The following ADAM18 variants were observed in gnomAD, a reference collection of about 807,000 sequenced individuals.
ADAM18 encodes ADAM metallopeptidase domain 18.
In ADAM18, 117 loss-of-function variants were observed where a neutral mutation model predicts 94.4. The ratio of observed to expected loss-of-function variants is 1.24; its 90% CI spans 1.07 to 1.45. The LOEUF (loss-of-function observed/expected upper bound fraction) is 1.45, where lower values mean the gene tolerates loss of function less well. Ranked by LOEUF, ADAM18 falls within the 40% of genes most tolerant of loss-of-function variation. The pLI is 0.00. For missense variants in ADAM18, 936 were observed against 880.0 expected, an observed-to-expected ratio of 1.06 and a Z score of -0.81; for synonymous variants, 327 against 291.6, an observed-to-expected ratio of 1.12 and a Z score of -1.24.
At chr8:39,634,025 G>A (rs940296748) in intron 7 of ADAM18, among the ~76,000 whole-genome samples, 4 of 152,146 alleles carry the variant, frequency 2.6e-5, no homozygotes, top group Non-Finnish European at 5.9e-5. Context: ...CAAGCCCAGA[G>A]TGCTGGGGAT....
At position 39,726,642 on chromosome 8, in the gene ADAM18, G is replaced by A. The variant is rs374836687; in HGVS notation, c.2177+2735G>A. Among the ~76,000 whole-genome samples, 162 of 152,198 alleles carry A rather than the reference G, an allele frequency of 1.1e-3. 3 individuals carry two copies. Among genetic ancestry groups the A allele is most frequent in the African/African-American group, 3.8e-3 (157 of 41,542 alleles). ...TCATTGCCCAGACCAATGGCAAGGAGCTTTCTCTCTATTTTCTGCTAGAAG... is the reference window on the plus strand; with the variant it reads ...TCATTGCCCAGACCAATGGCAAGGAACTTTCTCTCTATTTTCTGCTAGAAG... On this transcript the variant is annotated intron_variant, in intron 19 of 19. Coordinates refer to ENST00000265707, the MANE Select transcript of ADAM18 (RefSeq NM_014237.3).
At chr8:39,702,649 T>C (rs1394941814) in intron 17 of ADAM18, among the ~76,000 whole-genome samples, 1 of 152,200 alleles carries the variant, frequency 6.6e-6, no homozygotes, top group Non-Finnish European at 1.5e-5. Context: ...CCATCTTAAG[T>C]TGATTTTTGT....
chr8:39,600,882 T>C (rs1473874592), intron 2 of ADAM18, among the ~76,000 whole-genome samples: 1 of 152,228 alleles, frequency 6.6e-6, no homozygotes, highest in African/African-American at 2.4e-5. Flanking sequence ...TCTCAATTCC[T>C]ATTTGTATTA....
chr8:39,695,138 C>A (rs1821887628), intron 17 of ADAM18, among the ~76,000 whole-genome samples: 1 of 151,362 alleles, frequency 6.6e-6, no homozygotes, highest in Non-Finnish European at 1.5e-5. Flanking sequence ...TATTAAAGGA[C>A]AATGTGGGTT....
intron 12 of ADAM18, among the ~76,000 whole-genome samples, chr8:39,651,793 C>A (rs1820546669): frequency 6.6e-6 from 1 of 152,086 alleles, no homozygotes; most frequent in South Asian, 2.1e-4. Flanking sequence ...CCTTAAAACC[C>A]AAGCAATTCT....
intron 14 of ADAM18, among the ~76,000 whole-genome samples, chr8:39,672,695 A>G (rs1000515478): frequency 3.9e-5 from 6 of 152,168 alleles, no homozygotes; most frequent in African/African-American, 1.4e-4. Context: ...AAATCCCCAT[A>G]ACACCTTGTT....
chr8:39,706,827 G>C lies in ADAM18; in HGVS notation c.1940G>C (p.Gly647Ala). 6.2e-7 allele frequency: 1 copy of C among 1,610,102 alleles called. No homozygotes were observed. Among genetic ancestry groups the C allele is most frequent in the African/African-American group, 1.3e-5 (1 of 74,888 alleles). The change falls in exon 18 of 20, where the codon GGA becomes GCA. Residue 647 changes from glycine to alanine, a missense_variant. Transcript: ENST00000265707. ...TTTGGTAATTGTCAATGCTTCCCTGGACATAGACCTCCAGATTGTAAATTC... is the reference window on the plus strand; with the variant it reads ...TTTGGTAATTGTCAATGCTTCCCTGCACATAGACCTCCAGATTGTAAATTC... ...NNFGNCQCFP[G>A]HRPPDCKFQF...
rs139133869 is a variant in ADAM18 at position 39,648,499 on chromosome 8, A to G, written c.1202A>G (p.Asn401Ser). The G allele has an allele frequency of 2.1e-4, 335 of 1,608,836 alleles. No homozygotes were observed. The highest frequency in any genetic ancestry group is 3.5e-4 in the South Asian group (31 of 89,526). Residue 401 changes from asparagine (N) to serine (S), a missense_variant, in exon 12 of 20, where the codon AAT becomes AGT. Transcript: ENST00000265707. ...PVCGNGILES[N>S]EECDCGNKNE... ...TGTGGTAATGGGATTTTGGAATCCA[A>G]TGAAGAATGTGACTGTGGTAATAAA...
chr8:39,635,660 C>A (rs1448713089), intron 7 of ADAM18, among the ~76,000 whole-genome samples: 1 of 152,046 alleles, frequency 6.6e-6, no homozygotes, highest in East Asian at 1.9e-4. Flanking sequence ...TCCTACATTC[C>A]ATTGAGTTGA....
At position 39,610,710 on chromosome 8, in the gene ADAM18, A is replaced by C; in HGVS notation, c.522+4A>C. ...CAAAGTTCCTTTAAACTCACAGGTG[A>C]CTGTCATCATTCTGATGTTATGACA... On this transcript the variant is annotated splice_donor_region_variant and intron_variant, in intron 6 of 19. Transcript: ENST00000265707. The C allele has an allele frequency of 2.5e-6, 4 of 1,611,644 alleles. No homozygotes were observed. The highest frequency in any genetic ancestry group is 3.4e-6 in the Non-Finnish European group (4 of 1,178,940).
chr8:39,614,254 A>T (rs1361205935), intron 6 of ADAM18, among the ~76,000 whole-genome samples: 3 of 152,230 alleles, frequency 2.0e-5, no homozygotes, highest in Non-Finnish European at 4.4e-5. Context: ...AGAACACCCC[A>T]TTAGGTGAAG....
chr8:39,701,701 C>A (rs1822084245), intron 17 of ADAM18, among the ~76,000 whole-genome samples: 1 of 152,082 alleles, frequency 6.6e-6, no homozygotes. Context: ...CATGTGTTGT[C>A]ATCATTTCGT....
At chr8:39,637,164 G>T in intron 7 of ADAM18, 100 bp from the exon 8 acceptor site, 1 of 885,866 alleles carries the variant, frequency 1.1e-6, no homozygotes, top group Non-Finnish European at 1.7e-6. Context: ...CTTTAAAACA[G>T]CTCTAGATTA....
At chr8:39,588,198 G>C (rs1024809458) in intron 2 of ADAM18, among the ~76,000 whole-genome samples, 2 of 149,900 alleles carry the variant, frequency 1.3e-5, no homozygotes, top group Non-Finnish European at 3.0e-5. Context: ...GCCAGTGCTT[G>C]TCACCTTTTG....
chr8:39,585,475 A>G (rs894426464), intron 2 of ADAM18, 123 bp downstream of exon 2: 1 of 705,052 alleles, frequency 1.4e-6, no homozygotes, highest in African/African-American at 1.8e-5. Context: ...TGCCTGTGCT[A>G]TTTTGTCTCC....
chr8:39,614,951 A>G (rs916123997), intron 6 of ADAM18, among the ~76,000 whole-genome samples: 2 of 152,216 alleles, frequency 1.3e-5, no homozygotes, highest in Non-Finnish European at 2.9e-5. Context: ...GCCCAGATTC[A>G]TAAAGCAAGT....
At chr8:39,667,264 T>C (rs1161551792) in intron 13 of ADAM18, among the ~76,000 whole-genome samples, 2 of 151,888 alleles carry the variant, frequency 1.3e-5, no homozygotes, top group Non-Finnish European at 2.9e-5. Context: ...TAGCCAGGCG[T>C]GGTGGCATGT....
intron 19 of ADAM18, among the ~76,000 whole-genome samples, chr8:39,727,910 T>TA (rs1563323708): frequency 6.6e-6 from 1 of 152,156 alleles, no homozygotes; most frequent in Non-Finnish European, 1.5e-5. Flanking sequence ...GGTCAATTTA[T>TA]AAAGAAAAGG....
chr8:39,669,991 T>A (rs1317003412), intron 14 of ADAM18, among the ~76,000 whole-genome samples: 1 of 152,218 alleles, frequency 6.6e-6, no homozygotes, highest in Non-Finnish European at 1.5e-5. Context: ...TTCCTGACTT[T>A]TTAATGATCG....
Sources: allele counts gnomAD v4.1 joint callset (sites outside exome capture counted in the v4.1 genomes callset), GRCh38; gene constraint gnomAD v4.1.1; transcripts MANE v1.5; gene names NCBI Gene and HGNC (gene_info 2026-07-23, HGNC 2026-07-21).